PLXNA4: variants seen among roughly 807,000 people sequenced by gnomAD.
The protein encoded by PLXNA4 is plexin A4.
A neutral mutation model predicts 191.8 loss-of-function variants in PLXNA4; 44 were observed. The ratio of observed to expected loss-of-function variants is 0.23; its 90% CI spans 0.18 to 0.29. PLXNA4 has a LOEUF of 0.29. Among genes scored for constraint, PLXNA4 ranks in the 10% least tolerant of loss-of-function variants. The probability of loss-of-function intolerance (pLI) is 1.00; values close to 1 mark genes in which losing one functional copy is unlikely to be tolerated. For synonymous variants in PLXNA4, 1,082 were observed against 1,009.5 expected (o/e 1.07, Z -1.36); for missense variants, 1,800 against 2,488.8 (o/e 0.72, Z 5.89).
In PLXNA4 at chr7:132,123,668, C is replaced by T. The variant is rs1293889407; in HGVS notation, c.*6811G>A. On this transcript the variant is annotated 3_prime_UTR_variant, in exon 32 of 32. Transcript: ENST00000321063. Reference sequence around the variant, plus strand: ...CACTGTTGTCTAAAGATATGCTTTGCTTTGTTCTAACAAAGGGTCAATGTT... The same window carrying T: ...CACTGTTGTCTAAAGATATGCTTTGTTTTGTTCTAACAAAGGGTCAATGTT... 1 of 152,064 alleles carries T rather than the reference C, an allele frequency of 6.6e-6. No homozygotes were observed. The highest frequency in any genetic ancestry group is 1.5e-5 in the Non-Finnish European group (1 of 68,002). The allele number at this position is 152,064 out of a possible 1,614,324, so 9.4% of individuals were successfully genotyped here.
chr7:132,571,993 C>T (rs1424802099), intron 1 of PLXNA4, among the ~76,000 whole-genome samples: 1 of 152,108 alleles, frequency 6.6e-6, no homozygotes, highest in Non-Finnish European at 1.5e-5. Context: ...ATGGGGAAAT[C>T]GAGGCTCAGT....
chr7:132,442,991 G>A (rs145957575), intron 3 of PLXNA4, among the ~76,000 whole-genome samples: 61 of 152,230 alleles, frequency 4.0e-4, no homozygotes, highest in African/African-American at 1.4e-3. Flanking sequence ...TACCCAGCCC[G>A]TGCTGCACCA....
At chr7:132,390,807 C>T (rs953537378) in intron 3 of PLXNA4, among the ~76,000 whole-genome samples, 1 of 152,192 alleles carries the variant, frequency 6.6e-6, no homozygotes, top group African/African-American at 2.4e-5. Context: ...TCCCAAGGAG[C>T]TTGTACTTCC....
In PLXNA4 at chr7:132,349,843, C is replaced by T. The variant is rs1803411213; in HGVS notation, c.1372-51621G>A. ...CCATCAAATGCCCTTTTCCTTTGTC[C>T]CAACTCAACCCATCATCACCGTCCT... On this transcript the variant is annotated intron_variant, in intron 3 of 31. Coordinates refer to ENST00000321063, the MANE Select transcript of PLXNA4 (RefSeq NM_020911.2). Among the ~76,000 whole-genome samples the T allele has an allele frequency of 2.0e-5, 3 of 152,044 alleles. No individual in the cohort carries two copies. The South Asian group carries it at 6.2e-4, about 32-fold the overall frequency.
At chr7:132,283,019 A>G (rs901666154) in intron 4 of PLXNA4, among the ~76,000 whole-genome samples, 1 of 152,028 alleles carries the variant, frequency 6.6e-6, no homozygotes, top group Non-Finnish European at 1.5e-5. Flanking sequence ...ACTGGGACCT[A>G]CAGGCGCTCA....
At chr7:132,610,492 C>G (rs1446496192) in intron 2 of PLXNA4, among the ~76,000 whole-genome samples, 1 of 152,202 alleles carries the variant, frequency 6.6e-6, no homozygotes, top group Non-Finnish European at 1.5e-5. Context: ...TCCCCCCATC[C>G]CTGCTAAAAA....
chr7:132,200,699 C>T (rs918527494), intron 12 of PLXNA4, among the ~76,000 whole-genome samples: 2 of 152,320 alleles, frequency 1.3e-5, no homozygotes, highest in African/African-American at 4.8e-5. Flanking sequence ...CCACAAAAGC[C>T]AAGAATCTTC....
intron 7 of PLXNA4, among the ~76,000 whole-genome samples, chr7:132,226,750 C>T (rs920885728): frequency 6.6e-6 from 1 of 152,184 alleles, no homozygotes; most frequent in Non-Finnish European, 1.5e-5. Flanking sequence ...GCGGGAGACC[C>T]TGGAATCCTC....
chr7:132,509,991 CA>C (rs1798644357), intron 1 of PLXNA4, among the ~76,000 whole-genome samples: 1 of 152,298 alleles, frequency 6.6e-6, no homozygotes, highest in East Asian at 1.9e-4. Context: ...CTTTAAGAAG[CA>C]GTCAAGCAAA....
intron 4 of PLXNA4, among the ~76,000 whole-genome samples, chr7:132,254,910 G>A (rs555325747): frequency 6.6e-6 from 1 of 152,296 alleles, no homozygotes; most frequent in Admixed American, 6.5e-5. Flanking sequence ...GGGGTTCAGT[G>A]AGCTCAGAAA....
intron 20 of PLXNA4, among the ~76,000 whole-genome samples, chr7:132,178,505 T>C (rs1204743201): frequency 6.6e-6 from 1 of 152,206 alleles, no homozygotes; most frequent in African/African-American, 2.4e-5. Context: ...TTCTAATCAC[T>C]ACACCTTCAA....
chr7:132,203,099 C>T (rs2116865411), intron 11 of PLXNA4, among the ~76,000 whole-genome samples: 1 of 152,294 alleles, frequency 6.6e-6, no homozygotes, highest in East Asian at 1.9e-4. Context: ...ACACCACCTC[C>T]TACCAGAAGC....
chr7:132,586,491 C>T (rs965644246), intron 2 of PLXNA4, among the ~76,000 whole-genome samples: 10 of 152,196 alleles, frequency 6.6e-5, no homozygotes, highest in African/African-American at 2.4e-4. Context: ...TGGCTCACGC[C>T]TATGATCCCA....
intron 3 of PLXNA4, among the ~76,000 whole-genome samples, chr7:132,420,006 C>T (rs976329222): frequency 6.6e-6 from 1 of 152,082 alleles, no homozygotes; most frequent in East Asian, 1.9e-4. Context: ...GCCTGGGAGC[C>T]AGAGTTTGTC....
At chr7:132,492,189 G>C (rs1055188005) in intron 2 of PLXNA4, among the ~76,000 whole-genome samples, 6 of 152,140 alleles carry the variant, frequency 3.9e-5, no homozygotes, top group Non-Finnish European at 8.8e-5. Flanking sequence ...GGGACAAAGG[G>C]AGTCCTTGTT....
chr7:132,149,000 G>A (rs1179853694), intron 25 of PLXNA4, among the ~76,000 whole-genome samples: 2 of 152,186 alleles, frequency 1.3e-5, no homozygotes, highest in African/African-American at 4.8e-5. Context: ...CAAAGCATGA[G>A]GCAAATGCAA....
chr7:132,212,973 A>C (rs1451803876), intron 9 of PLXNA4, among the ~76,000 whole-genome samples: 1 of 152,252 alleles, frequency 6.6e-6, no homozygotes, highest in Non-Finnish European at 1.5e-5. Context: ...CAACAGCATC[A>C]TTCACAACAG....
chr7:132,588,230 A>G (rs911095113), intron 2 of PLXNA4, among the ~76,000 whole-genome samples: 1 of 151,932 alleles, frequency 6.6e-6, no homozygotes, highest in Non-Finnish European at 1.5e-5. Context: ...GCCTAACTAC[A>G]CTGTGGACAT....
chr7:132,439,523 C>T (rs1184771836), intron 3 of PLXNA4, among the ~76,000 whole-genome samples: 2 of 151,874 alleles, frequency 1.3e-5, no homozygotes, highest in Admixed American at 6.6e-5. Flanking sequence ...CATACACATA[C>T]AATGTGTATA....
Sources: gnomAD v4.1 joint callset for allele counts (sites outside exome capture counted in the v4.1 genomes callset) on GRCh38, gnomAD v4.1.1 for gene constraint, MANE v1.5 for transcripts, NCBI Gene and HGNC (gene_info 2026-07-23, HGNC 2026-07-21) for gene names.